Variants in SUPT3H observed in about 807,000 individuals in gnomAD.
The protein encoded by SUPT3H is SPT3 homolog, SAGA and STAGA complex component, also known as transcription initiation protein SPT3 homolog.
SUPT3H carries 44 observed loss-of-function variants against 44.3 expected under a neutral mutation model. The ratio of observed to expected loss-of-function variants is 0.99; its 90% CI spans 0.78 to 1.28. The LOEUF (loss-of-function observed/expected upper bound fraction) is 1.28. Ranked by LOEUF, SUPT3H falls within the 50% of genes most tolerant of loss-of-function variation. The probability of loss-of-function intolerance (pLI) is 0.00; values close to 1 mark genes in which losing one functional copy is unlikely to be tolerated. For synonymous variants in SUPT3H, 124 were observed against 125.6 expected (o/e 0.99, Z 0.09); for missense variants, 380 against 387.1 (o/e 0.98, Z 0.15).
At chr6:45,149,151 T>C (rs1282776015) in intron 2 of SUPT3H, among the ~76,000 whole-genome samples, 2 of 152,142 alleles carry the variant, frequency 1.3e-5, no homozygotes, top group African/African-American at 2.4e-5. Flanking sequence ...CAAATATGCA[T>C]TGGTATGAAC....
intron 2 of SUPT3H, among the ~76,000 whole-genome samples, chr6:45,155,294 A>C (rs1017965481): frequency 6.6e-6 from 1 of 152,152 alleles, no homozygotes; most frequent in Non-Finnish European, 1.5e-5. Context: ...AAGGAAAGTG[A>C]CTTCTATTTG....
At chr6:44,951,659 A>C (rs1774335313) in intron 9 of SUPT3H, among the ~76,000 whole-genome samples, 1 of 152,158 alleles carries the variant, frequency 6.6e-6, no homozygotes, top group Non-Finnish European at 1.5e-5. Flanking sequence ...TATTCCTCTC[A>C]ACTGCTGGGT....
In SUPT3H at chr6:45,239,764, G is replaced by A. The variant is rs1044746211; in HGVS notation, c.101+125437C>T. Reference sequence around the variant, plus strand: ...GCTCTAGCTACATTTTTCTCTATACGGAATATTAAACACATTACTGGCATC... The same window carrying A: ...GCTCTAGCTACATTTTTCTCTATACAGAATATTAAACACATTACTGGCATC... On this transcript the variant is annotated intron_variant, in intron 2 of 10. Transcript: ENST00000371459. Among the ~76,000 whole-genome samples the A allele has an allele frequency of 1.8e-4, 28 of 152,248 alleles. 1 individual carries two copies. The highest frequency in any genetic ancestry group is 5.8e-4 in the African/African-American group (24 of 41,540).
intron 1 of SUPT3H, among the ~76,000 whole-genome samples, chr6:45,375,140 G>A (rs1037446194): frequency 1.3e-5 from 2 of 152,190 alleles, no homozygotes; most frequent in East Asian, 3.9e-4. Context: ...CCAGGAGGGG[G>A]AGGTTGCAGT....
rs879231718 is a variant in SUPT3H at position 45,365,234 on chromosome 6, G to C, written c.68C>G (p.Ser23Cys). The C allele has an allele frequency of 1.2e-6, 2 of 1,611,818 alleles. No homozygotes were observed. Among genetic ancestry groups the C allele is most frequent in the Admixed American group, 1.7e-5 (1 of 59,888 alleles). ...TSSSGRSTGKSISFATELQSM... is the reference protein window; with the variant it reads ...TSSSGRSTGKCISFATELQSM... Reference sequence around the variant, plus strand: ...CTGTAATTCTGTTGCAAAGCTTATAGACTTCCCTGTACTCCTTCCACTACT... The same window carrying C: ...CTGTAATTCTGTTGCAAAGCTTATACACTTCCCTGTACTCCTTCCACTACT... Residue 23 changes from serine to cysteine, a missense_variant, in exon 2 of 11, where the codon TCT (serine) becomes TGT (cysteine). By Grantham distance (112) the Ser-to-Cys change is moderately radical. Coordinates refer to ENST00000371459, the MANE Select transcript of SUPT3H (RefSeq NM_003599.4).
chr6:45,068,695 T>C (rs1231263294), intron 3 of SUPT3H, among the ~76,000 whole-genome samples: 1 of 152,178 alleles, frequency 6.6e-6, no homozygotes, highest in African/African-American at 2.4e-5. Flanking sequence ...AAACATCAAC[T>C]TTGTTACTGT....
intron 1 of SUPT3H, among the ~76,000 whole-genome samples, chr6:45,370,912 A>T (rs1263875438): frequency 3.0e-4 from 45 of 152,104 alleles, no homozygotes; most frequent in Admixed American, 2.9e-3. Flanking sequence ...AGAAAAATTG[A>T]GTTTAAAAAA....
chr6:45,025,433 T>C (rs1259449828), intron 3 of SUPT3H, among the ~76,000 whole-genome samples: 1 of 152,230 alleles, frequency 6.6e-6, no homozygotes, highest in Non-Finnish European at 1.5e-5. Flanking sequence ...TTGTTAAATG[T>C]TGGCAATCCA....
chr6:45,323,330 T>A (rs1238604301), intron 2 of SUPT3H, among the ~76,000 whole-genome samples: 103 of 152,254 alleles, frequency 6.8e-4, no homozygotes, highest in African/African-American at 2.5e-3. Context: ...GCACAGTGGA[T>A]TAAGATTTAT....
chr6:45,371,393 A>C (rs1374726391), intron 1 of SUPT3H, among the ~76,000 whole-genome samples: 2 of 137,456 alleles, frequency 1.5e-5, no homozygotes, highest in Non-Finnish European at 3.2e-5. Context: ...GTATTAGCTC[A>C]CTTTTTTTTT....
intron 10 of SUPT3H, among the ~76,000 whole-genome samples, chr6:44,839,765 C>A (rs930241196): frequency 1.3e-5 from 2 of 151,600 alleles, no homozygotes; most frequent in African/African-American, 2.4e-5. Context: ...GCAGTGGCGC[C>A]ATCTCGGCTC....
intron 3 of SUPT3H, among the ~76,000 whole-genome samples, chr6:45,045,702 T>A (rs545190258): frequency 6.6e-6 from 1 of 152,324 alleles, no homozygotes; most frequent in South Asian, 2.1e-4. Context: ...TTACTGGTCA[T>A]TCACATATAT....
chr6:45,223,034 G>A (rs908380859), intron 2 of SUPT3H, among the ~76,000 whole-genome samples: 1 of 152,076 alleles, frequency 6.6e-6, no homozygotes, highest in Admixed American at 6.6e-5. Context: ...ATGGGATAGG[G>A]AAAGAGGTAG....
chr6:45,231,459 G>A (rs1223395550), intron 2 of SUPT3H, among the ~76,000 whole-genome samples: 1 of 152,134 alleles, frequency 6.6e-6, no homozygotes, highest in Admixed American at 6.5e-5. Context: ...TGAGAAAGCT[G>A]CTCTTAGTCT....
intron 9 of SUPT3H, among the ~76,000 whole-genome samples, chr6:44,951,209 A>G (rs1439389933): frequency 6.7e-6 from 1 of 148,342 alleles, no homozygotes; most frequent in Non-Finnish European, 1.5e-5. Context: ...CTTTCTCTCT[A>G]AAGTCTTTGA....
chr6:45,016,487 T>TC (rs1276449414), intron 4 of SUPT3H, among the ~76,000 whole-genome samples: 2 of 74,522 alleles, frequency 2.7e-5, no homozygotes, highest in Non-Finnish European at 5.0e-5. Flanking sequence ...ATGCTAACCC[T>TC]CCCCCCTCCC....
chr6:45,121,519 G>T lies in SUPT3H; in HGVS notation c.102-15513C>A, dbSNP rs1056016888. Among the ~76,000 whole-genome samples the T allele has an allele frequency of 3.0e-4, 18 of 60,290 alleles. No individual in the cohort carries two copies. The East Asian group carries it at 3.7e-3, about 12-fold the overall frequency. 39.6% of individuals were successfully genotyped at this position (60,290 alleles called of 152,430 possible). A position where few individuals can be genotyped will look rare whatever the true frequency, so the allele number is the denominator to read the frequency against. On this transcript the variant is annotated intron_variant, in intron 2 of 10. Coordinates refer to ENST00000371459, the MANE Select transcript of SUPT3H (RefSeq NM_003599.4). ...ATTTCAAAACCCTATGAAATTATGT[G>T]GGGGGGGGGGTGGATTATCTAAGTA... is the stretch of plus-strand genomic sequence containing the variant.
chr6:45,297,154 C>T (rs1781431372), intron 2 of SUPT3H, among the ~76,000 whole-genome samples: 1 of 151,184 alleles, frequency 6.6e-6, no homozygotes, highest in South Asian at 2.1e-4. Flanking sequence ...AGGTTTCAGA[C>T]ATCATGAAGT....
chr6:45,003,980 A>C (rs1355893643), intron 5 of SUPT3H, among the ~76,000 whole-genome samples, 188 bp from the exon 6 acceptor site: 1 of 152,192 alleles, frequency 6.6e-6, no homozygotes, highest in Non-Finnish European at 1.5e-5. Context: ...TTTTCATGTC[A>C]CAAATTAGAA....
Sources: allele counts gnomAD v4.1 joint callset (sites outside exome capture counted in the v4.1 genomes callset), GRCh38; gene constraint gnomAD v4.1.1; transcripts MANE v1.5; gene names NCBI Gene and HGNC (gene_info 2026-07-23, HGNC 2026-07-21).